The following MINK1 variants were observed in gnomAD, a reference collection of about 807,000 sequenced individuals.
MINK1 encodes misshapen-like kinase 1.
Under a neutral mutation model 178.4 loss-of-function variants are expected in MINK1, and 46 were observed. The observed-to-expected ratio is 0.26, with a 90% confidence interval of 0.20 to 0.33. The LOEUF (loss-of-function observed/expected upper bound fraction) is 0.33. Ranked by LOEUF, MINK1 falls within the 10% of genes least tolerant of loss-of-function variation. MINK1 has a pLI of 1.00. For missense variants in MINK1, 1,366 were observed against 1,814.9 expected (o/e 0.75, Z 4.49); for synonymous variants, 797 against 709.7 (o/e 1.12, Z -1.96).
rs76709161 is a variant in MINK1, at chr17:4,833,407, G to A, written c.-177G>A. 1,731 of 546,740 alleles carry A rather than the reference G, an allele frequency of 3.2e-3. 5 individuals are homozygous for A. Among genetic ancestry groups the A allele is most frequent in the Non-Finnish European group, 3.8e-3 (1,191 of 313,798 alleles). 33.9% of individuals were successfully genotyped at this position (546,740 alleles called of 1,614,324 possible). On this transcript the variant is annotated 5_prime_UTR_variant, in exon 1 of 32. Transcript: ENST00000355280. This position sits in a 1 kb window ranked among gnomAD's most constrained non-coding sequence, Gnocchi z 4.8. ...TCGGGTGGCTGGCTCCGGGGAGATAGCGCCTGTCAGTCGGTGGGTCGGTCC... is the reference window on the plus strand; with the variant it reads ...TCGGGTGGCTGGCTCCGGGGAGATAACGCCTGTCAGTCGGTGGGTCGGTCC...
At position 4,894,964 on chromosome 17, in the gene MINK1, C is replaced by A; in HGVS notation, c.2918-111C>A. On this transcript the variant is annotated intron_variant, in intron 24 of 31. Coordinates refer to ENST00000355280, the MANE Select transcript of MINK1 (RefSeq NM_153827.5). The surrounding 1 kb of genome is among the most constrained non-coding windows in gnomAD (Gnocchi z 4.1). ...GCACCTCCTCTCCTCCTGTCTTTCT[C>A]CTCCTTTCTGCGTATTATGAGGTGC... 2.5e-6 allele frequency: 3 copies of A among 1,194,376 alleles called. No individual in the cohort carries two copies. The highest frequency in any genetic ancestry group is 3.5e-6 in the Non-Finnish European group (3 of 850,356). 74.0% of individuals were successfully genotyped at this position (1,194,376 alleles called of 1,614,324 possible). A position where few individuals can be genotyped will look rare whatever the true frequency, so the allele number is the denominator to read the frequency against.
rs945250429 is a variant in MINK1, at chr17:4,891,224, A to ACACACACACC, written c.1740+101_1740+102insACACACACCC. 14 of 1,063,502 alleles carry ACACACACACC rather than the reference A, an allele frequency of 1.3e-5. No homozygotes were observed. In the East Asian group the frequency reaches 2.1e-4, roughly 16 times the overall value. The allele number at this position is 1,063,502 out of a possible 1,614,324, so 65.9% of individuals were successfully genotyped here. ...CGCACACACACACACACACACACACACCTGCTCAGCCGTGAGCCAGGATTA... is the reference window on the plus strand; with the variant it reads ...CGCACACACACACACACACACACACACACACACACCCCTGCTCAGCCGTGAGCCAGGATTA... On this transcript the variant is annotated intron_variant, in intron 15 of 31. Coordinates refer to ENST00000355280, the MANE Select transcript of MINK1 (RefSeq NM_153827.5).
intron 1 of MINK1, among the ~76,000 whole-genome samples, chr17:4,858,764 G>A (rs1156640934): frequency 1.3e-5 from 2 of 152,078 alleles, no homozygotes; most frequent in East Asian, 1.9e-4. Flanking sequence ...TCCCGCTTCC[G>A]CATCTGTTTT....
At chr17:4,849,733 G>A (rs182895713) in intron 1 of MINK1, among the ~76,000 whole-genome samples, 252 of 152,154 alleles carry the variant, frequency 1.7e-3, no homozygotes, top group African/African-American at 5.6e-3. Context: ...CACCATGCCC[G>A]GCTAATTTTT....
chr17:4,845,079 G>C (rs1043780713), intron 1 of MINK1, among the ~76,000 whole-genome samples: 1 of 152,140 alleles, frequency 6.6e-6, no homozygotes, highest in Non-Finnish European at 1.5e-5. Flanking sequence ...TGTGTGTGCA[G>C]AGTTGAGCAG....
rs1334165437 is a variant in MINK1 at position 4,897,126 on chromosome 17, CTTCCCTTCT to C, written c.3916-71_3916-63del. ...TCCCTCAACTCTTCTGCCACCCCTT[CTTCCCTTCT>C]TTCCCTCTCCCAGTTGAGACACCCC... On this transcript the variant is annotated intron_variant, in intron 31 of 31. Coordinates refer to ENST00000355280, the MANE Select transcript of MINK1 (RefSeq NM_153827.5). The C allele has an allele frequency of 5.1e-5, 63 of 1,231,186 alleles. 1 individual carries two copies. The East Asian group carries it at 9.6e-4, about 19-fold the overall frequency. The allele number at this position is 1,231,186 out of a possible 1,614,324, so 76.3% of individuals were successfully genotyped here.
intron 31 of MINK1, 130 bp from the exon 32 acceptor site, chr17:4,897,074 T>A (rs1417830128): frequency 5.6e-6 from 5 of 894,762 alleles, no homozygotes; most frequent in Admixed American, 2.3e-5. Context: ...AGGGGCACTG[T>A]GAGTCTCCTC....
intron 1 of MINK1, among the ~76,000 whole-genome samples, chr17:4,855,784 A>AAAAG (rs937203063): frequency 6.6e-6 from 1 of 150,390 alleles, no homozygotes; most frequent in Non-Finnish European, 1.5e-5. Flanking sequence ...AAAAAAAAAA[A>AAAAG]AAAGAAAGAA....
At chr17:4,888,924 T>G (rs1968492631) in intron 12 of MINK1, among the ~76,000 whole-genome samples, 1 of 152,028 alleles carries the variant, frequency 6.6e-6, no homozygotes, top group African/African-American at 2.4e-5. Flanking sequence ...GGTCTCGAAC[T>G]CCCGACCTCA....
chr17:4,893,170 G>T, intron 20 of MINK1, 103 bp downstream of exon 20: 4 of 1,518,640 alleles, frequency 2.6e-6, no homozygotes, highest in Non-Finnish European at 3.6e-6. Flanking sequence ...CTACCGAGAA[G>T]GGCTGTGGGG....
At chr17:4,858,054 CTGG>C (rs765093963) in intron 1 of MINK1, among the ~76,000 whole-genome samples, 1 of 152,140 alleles carries the variant, frequency 6.6e-6, no homozygotes, top group Non-Finnish European at 1.5e-5. Flanking sequence ...GGTTAGTAAT[CTGG>C]TGGTACTGGG....
intron 1 of MINK1, among the ~76,000 whole-genome samples, chr17:4,870,034 A>AG (rs561995582): frequency 4.9e-4 from 74 of 150,502 alleles, no homozygotes; most frequent in Non-Finnish European, 9.2e-4. Context: ...CAGCCTCCTG[A>AG]GTAGCTGGGA....
intron 1 of MINK1, among the ~76,000 whole-genome samples, chr17:4,867,850 T>C (rs942270521): frequency 9.9e-5 from 15 of 152,090 alleles, no homozygotes; most frequent in African/African-American, 3.6e-4. Flanking sequence ...TAATTATACA[T>C]ATTGATGGAA....
intron 1 of MINK1, among the ~76,000 whole-genome samples, chr17:4,843,477 C>G (rs1229985950): frequency 7.7e-6 from 1 of 130,586 alleles, no homozygotes; most frequent in Admixed American, 7.8e-5. Context: ...GACTCCGTCA[C>G]AAAAAAAAAA....
chr17:4,895,842 T>C lies in MINK1; in HGVS notation c.3364+10T>C. On this transcript the variant is annotated intron_variant, in intron 27 of 31. Coordinates refer to ENST00000355280, the MANE Select transcript of MINK1 (RefSeq NM_153827.5). This position sits in a 1 kb window ranked among gnomAD's most constrained non-coding sequence, Gnocchi z 4.3. Reference sequence around the variant, plus strand: ...GGGCACTACCGTGTTGGTGAGGATGTCCCAACAGAGTGGCCAGCGCATACT... The same window carrying C: ...GGGCACTACCGTGTTGGTGAGGATGCCCCAACAGAGTGGCCAGCGCATACT... 3 of 1,612,770 alleles carry C rather than the reference T, an allele frequency of 1.9e-6. No homozygotes were observed. Among genetic ancestry groups the C allele is most frequent in the Non-Finnish European group, 2.5e-6 (3 of 1,179,284 alleles).
In MINK1 at chr17:4,897,349, CCGGGCCG is replaced by C; in HGVS notation, c.*64_*70del. On this transcript the variant is annotated 3_prime_UTR_variant, in exon 32 of 32. Transcript: ENST00000355280. ...AGCTCTCCCCCTGCAGCCAGGCTTC[CCGGGCCG>C]CCCCTCTTTCCCCTCCCTGGGCTTT... 1 of 1,494,152 alleles carries C rather than the reference CCGGGCCG, an allele frequency of 6.7e-7. No individual in the cohort carries two copies. The highest frequency in any genetic ancestry group is 1.8e-5 in the Admixed American group (1 of 56,724). The allele number at this position is 1,494,152 out of a possible 1,614,324, so 92.6% of individuals were successfully genotyped here. A position where few individuals can be genotyped will look rare whatever the true frequency, so the allele number is the denominator to read the frequency against.
At position 4,896,580 on chromosome 17, in the gene MINK1, C is replaced by T. The variant is rs1470659121; in HGVS notation, c.3767C>T (p.Thr1256Ile). The T allele has an allele frequency of 6.2e-7, 1 of 1,613,868 alleles. No individual in the cohort carries two copies. Among genetic ancestry groups the T allele is most frequent in the Non-Finnish European group, 8.5e-7 (1 of 1,179,826 alleles). The change falls in exon 30 of 32, where the codon ACT (threonine) becomes ATT (isoleucine). Residue 1256 changes from threonine (T) to isoleucine (I), a missense_variant. By Grantham distance (89) the Thr-to-Ile change is moderately conservative (BLOSUM62 -1). Coordinates refer to ENST00000355280, the MANE Select transcript of MINK1 (RefSeq NM_153827.5). The surrounding 1 kb of genome is among the most constrained non-coding windows in gnomAD (Gnocchi z 4.6). ...GTGCTGCAGTGGGGGGAGATGCCTA[C>T]TTCTGTGGGTGAGTGAGCTGCCGCC... is the stretch of plus-strand genomic sequence containing the variant. ...DVVLQWGEMP[T>I]SVAYICSNQI...
chr17:4,891,046 C>T lies in MINK1; in HGVS notation c.1662C>T (p.Ala554=). 6.4e-7 allele frequency: 1 copy of T among 1,555,576 alleles called. No homozygotes were observed. Among genetic ancestry groups the T allele is most frequent in the Non-Finnish European group, 8.7e-7 (1 of 1,149,790 alleles). ...STGPEPPIPQ[A]SPGPPGPLSQ... is the part of the protein sequence containing the mutation. Reference sequence around the variant, plus strand: ...GGCCTGAGCCCCCCATCCCCCAGGCCTCCCCAGGGCCCCCAGGACCCCTTT... The same window carrying T: ...GGCCTGAGCCCCCCATCCCCCAGGCTTCCCCAGGGCCCCCAGGACCCCTTT... Residue 554 remains alanine, a synonymous_variant, in exon 15 of 32, where the codon GCC becomes GCT. Coordinates refer to ENST00000355280, the MANE Select transcript of MINK1 (RefSeq NM_153827.5).
At position 4,886,009 on chromosome 17, in the gene MINK1, G is replaced by C; in HGVS notation, c.694+44G>C. On this transcript the variant is annotated intron_variant, in intron 8 of 31. Coordinates refer to ENST00000355280, the MANE Select transcript of MINK1 (RefSeq NM_153827.5). The surrounding 1 kb of genome is among the most constrained non-coding windows in gnomAD (Gnocchi z 6.1). ...GGGAGTGGGAGGGGAGGGAAAGGAA[G>C]GGCCCAGAGAGTGGCTGTAGGGAGG... The C allele has an allele frequency of 1.9e-6, 3 of 1,612,038 alleles. No homozygotes were observed. The East Asian group carries it at 6.7e-5, about 36-fold the overall frequency.
Sources: allele counts gnomAD v4.1 joint callset (sites outside exome capture counted in the v4.1 genomes callset), GRCh38; gene constraint gnomAD v4.1.1; non-coding constraint Gnocchi (gnomAD v3.1); transcripts MANE v1.5; gene names NCBI Gene and HGNC (gene_info 2026-07-23, HGNC 2026-07-21).